Variants in CDIN1 observed in about 807,000 individuals in gnomAD.
CDIN1 encodes the protein CDAN1 interacting nuclease 1.
Under a neutral mutation model 45.3 loss-of-function variants are expected in CDIN1, and 33 were observed. The ratio of observed to expected loss-of-function variants is 0.73; its 90% CI spans 0.55 to 0.97. The LOEUF (loss-of-function observed/expected upper bound fraction) is 0.97, where lower values mean the gene tolerates loss of function less well. Among genes scored for constraint, CDIN1 ranks in the 50% least tolerant of loss-of-function variants. CDIN1 has a pLI of 0.00. For missense variants in CDIN1, 303 were observed against 339.4 expected (o/e 0.89, Z 0.84); for synonymous variants, 118 against 124.4 (o/e 0.95, Z 0.34).
At chr15:36,652,388 A>G (rs1034954343) in intron 3 of CDIN1, among the ~76,000 whole-genome samples, 1 of 152,176 alleles carries the variant, frequency 6.6e-6, no homozygotes, top group African/African-American at 2.4e-5. Context: ...ATAGGCTTAA[A>G]TACGCTGACC....
At chr15:36,603,001 A>T (rs2140240097) in intron 1 of CDIN1, among the ~76,000 whole-genome samples, 1 of 152,060 alleles carries the variant, frequency 6.6e-6, no homozygotes, top group East Asian at 1.9e-4. Context: ...AAAAAAGGTA[A>T]GTTGTGTTTT....
At chr15:36,754,356 G>A (rs1032910001) in intron 10 of CDIN1, among the ~76,000 whole-genome samples, 5 of 152,052 alleles carry the variant, frequency 3.3e-5, no homozygotes, top group African/African-American at 1.2e-4. Flanking sequence ...TGTGTCTTGA[G>A]CCCTGACCTA....
At chr15:36,619,516 T>TATCTATCC (rs1382847820) in intron 1 of CDIN1, among the ~76,000 whole-genome samples, 8 of 129,484 alleles carry the variant, frequency 6.2e-5, no homozygotes, top group Middle Eastern at 8.0e-3. Context: ...TCTATCTATC[T>TATCTATCC]ATCCATCCAT....
chr15:36,614,190 A>G, intron 1 of CDIN1: 1 of 665,234 alleles, frequency 1.5e-6, no homozygotes, highest in Non-Finnish European at 2.8e-6. Flanking sequence ...GCTGACCTGA[A>G]TGAGCTGTAG....
At chr15:36,771,334 CAGGACTTAA>C (rs2054071831) in intron 10 of CDIN1, among the ~76,000 whole-genome samples, 1 of 151,898 alleles carries the variant, frequency 6.6e-6, no homozygotes, top group Non-Finnish European at 1.5e-5. Context: ...ACATGTATCC[CAGGACTTAA>C]AGTATAATAA....
intron 1 of CDIN1, chr15:36,594,836 T>C (rs1319586736): frequency 2.1e-6 from 2 of 969,708 alleles, no homozygotes; most frequent in Non-Finnish European, 2.5e-6. Context: ...TTTTTAGCAT[T>C]TCAAGAAGCT....
chr15:36,700,438 T>A (rs1011603969), intron 8 of CDIN1, among the ~76,000 whole-genome samples: 2 of 152,150 alleles, frequency 1.3e-5, no homozygotes, highest in Non-Finnish European at 2.9e-5. Context: ...CCATTAAACC[T>A]TTCAAAGAAA....
At chr15:36,774,133 G>GTGTGT (rs1787167407) in intron 10 of CDIN1, among the ~76,000 whole-genome samples, 1 of 138,746 alleles carries the variant, frequency 7.2e-6, no homozygotes, top group African/African-American at 2.7e-5. Context: ...AACTGACAGG[G>GTGTGT]GTGTGTGTGT....
intron 1 of CDIN1, among the ~76,000 whole-genome samples, chr15:36,581,367 C>G (rs1267914566): frequency 6.6e-6 from 1 of 152,110 alleles, no homozygotes; most frequent in Non-Finnish European, 1.5e-5. Flanking sequence ...CTTGTCTTCT[C>G]TATAATAAGT....
At chr15:36,636,450 G>T (rs2039900811) in intron 1 of CDIN1, among the ~76,000 whole-genome samples, 1 of 152,182 alleles carries the variant, frequency 6.6e-6, no homozygotes, top group South Asian at 2.1e-4. Flanking sequence ...TACTCTGGAG[G>T]CTGAGGCAGG....
chr15:36,626,783 A>G, intron 1 of CDIN1: 2 of 338,364 alleles, frequency 5.9e-6, no homozygotes, highest in Non-Finnish European at 1.2e-5. Context: ...ACTGATGATG[A>G]TGGGGGTCAG....
intron 10 of CDIN1, among the ~76,000 whole-genome samples, chr15:36,751,973 G>A (rs1226929623): frequency 1.3e-5 from 2 of 152,076 alleles, no homozygotes; most frequent in African/African-American, 4.8e-5. Flanking sequence ...CATGGGTGGG[G>A]GAACAACACA....
intron 5 of CDIN1, among the ~76,000 whole-genome samples, chr15:36,667,073 A>G (rs543739375): frequency 1.6e-4 from 25 of 152,334 alleles, no homozygotes; most frequent in African/African-American, 5.3e-4. Flanking sequence ...ATTATGCTCA[A>G]CTACTCCCCT....
intron 10 of CDIN1, among the ~76,000 whole-genome samples, chr15:36,775,612 A>G (rs1160932777): frequency 6.6e-6 from 1 of 152,212 alleles, no homozygotes; most frequent in African/African-American, 2.4e-5. Flanking sequence ...TTTATTTTAA[A>G]ACAAAAAGGT....
intron 1 of CDIN1, among the ~76,000 whole-genome samples, chr15:36,611,790 T>C (rs1338283917): frequency 6.6e-6 from 1 of 152,196 alleles, no homozygotes; most frequent in Non-Finnish European, 1.5e-5. Flanking sequence ...AGTTGTTTTT[T>C]TGGTGGTATC....
At chr15:36,786,054 G>A (rs1336938908) in intron 10 of CDIN1, among the ~76,000 whole-genome samples, 1 of 152,142 alleles carries the variant, frequency 6.6e-6, no homozygotes, top group Non-Finnish European at 1.5e-5. Context: ...ACTTTCCAGT[G>A]GTTTCCAGAG....
intron 5 of CDIN1, among the ~76,000 whole-genome samples, chr15:36,673,538 C>A (rs1313756983): frequency 1.3e-5 from 2 of 152,040 alleles, no homozygotes; most frequent in Non-Finnish European, 2.9e-5. Flanking sequence ...AATGAGATTT[C>A]TTTCCTATTT....
At position 36,606,325 on chromosome 15, in the gene CDIN1, T is replaced by C. The variant is rs529784823; in HGVS notation, c.101+26364T>C. ...AAATACACTTTTTGGCTCATAAAGATGACTGAAAGTCCGACTTCTACATTT... is the reference window on the plus strand; with the variant it reads ...AAATACACTTTTTGGCTCATAAAGACGACTGAAAGTCCGACTTCTACATTT... On this transcript the variant is annotated intron_variant, in intron 1 of 10. Coordinates refer to ENST00000566621, the MANE Select transcript of CDIN1 (RefSeq NM_001321759.2). Among the ~76,000 whole-genome samples, 13 of 152,300 alleles carry C rather than the reference T, an allele frequency of 8.5e-5. No homozygotes were observed. The South Asian group carries it at 2.5e-3, about 29-fold the overall frequency.
chr15:36,620,696 T>C (rs561948105), intron 1 of CDIN1, among the ~76,000 whole-genome samples: 2 of 152,342 alleles, frequency 1.3e-5, no homozygotes, highest in South Asian at 4.1e-4. Context: ...GGACTGACCT[T>C]ACAGTAATTT....
Sources: gnomAD v4.1 joint callset for allele counts (sites outside exome capture counted in the v4.1 genomes callset) on GRCh38, gnomAD v4.1.1 for gene constraint, MANE v1.5 for transcripts, NCBI Gene and HGNC (gene_info 2026-07-23, HGNC 2026-07-21) for gene names.